The following CSMD1 variants were observed in gnomAD, a reference collection of about 807,000 sequenced individuals.
The protein encoded by CSMD1 is CUB and sushi domain-containing protein 1.
In CSMD1, 213 loss-of-function variants were observed where a neutral mutation model predicts 417.5. The ratio of observed to expected loss-of-function variants is 0.51; its 90% CI spans 0.46 to 0.57. The LOEUF is 0.57. Ranked by LOEUF, CSMD1 falls within the 20% of genes least tolerant of loss-of-function variation. CSMD1 has a pLI of 0.00. For missense variants in CSMD1, 6,923 were observed against 4,529.7 expected (o/e 1.53, Z -15.17); for synonymous variants, 2,862 against 1,736.8 (o/e 1.65, Z -16.11).
At position 4,087,086 on chromosome 8, in the gene CSMD1, A is replaced by T. The variant is rs561910211; in HGVS notation, c.416-54987T>A. ...CAAGAGAGATGCGTCATCCAAGCTT[A>T]GCCTTTCTTCCTGGAGCAACTGGCA... On this transcript the variant is annotated intron_variant, in intron 3 of 69. Coordinates refer to ENST00000635120, the MANE Select transcript of CSMD1 (RefSeq NM_033225.6). Among the ~76,000 whole-genome samples, 5 of 152,334 alleles carry T rather than the reference A, an allele frequency of 3.3e-5. No homozygotes were observed. In the South Asian group the frequency reaches 1.0e-3, roughly 32 times the overall value.
chr8:4,638,303 C>A (rs905220981), intron 1 of CSMD1, among the ~76,000 whole-genome samples: 13 of 152,116 alleles, frequency 8.5e-5, no homozygotes, highest in African/African-American at 3.1e-4. Flanking sequence ...AGCCACATAA[C>A]TGCAATATGT....
At chr8:4,270,319 C>G (rs978192546) in intron 3 of CSMD1, among the ~76,000 whole-genome samples, 3 of 151,972 alleles carry the variant, frequency 2.0e-5, no homozygotes, top group Admixed American at 6.6e-5. Flanking sequence ...TGGTTTTATG[C>G]TTTATTAACA....
At chr8:3,782,143 A>G in intron 5 of CSMD1, among the ~76,000 whole-genome samples, 1 of 152,162 alleles carries the variant, frequency 6.6e-6, no homozygotes, top group African/African-American at 2.4e-5. Context: ...TTTTTTTCTC[A>G]TTTAAAAGAG....
intron 1 of CSMD1, among the ~76,000 whole-genome samples, chr8:4,799,575 T>C (rs1333182985): frequency 9.1e-6 from 1 of 109,468 alleles, no homozygotes; most frequent in Non-Finnish European, 1.7e-5. Flanking sequence ...CTGCAGCCTG[T>C]GTGAGAGAGC....
At chr8:4,725,784 C>G (rs1022298325) in intron 1 of CSMD1, among the ~76,000 whole-genome samples, 2 of 152,082 alleles carry the variant, frequency 1.3e-5, no homozygotes, top group Non-Finnish European at 2.9e-5. Context: ...AGGATTTGCG[C>G]TGCGTTTGAG....
At chr8:3,839,625 C>G (rs1262940618) in intron 5 of CSMD1, among the ~76,000 whole-genome samples, 4 of 138,822 alleles carry the variant, frequency 2.9e-5, no homozygotes, top group African/African-American at 1.1e-4. Flanking sequence ...GCACTCCAGC[C>G]TGGGCAACAA....
At chr8:3,951,597 A>C (rs1038301867) in intron 5 of CSMD1, among the ~76,000 whole-genome samples, 10 of 152,196 alleles carry the variant, frequency 6.6e-5, no homozygotes, top group Non-Finnish European at 2.9e-5. Context: ...ACAACGAGAG[A>C]AATACTACTA....
At chr8:3,584,023 A>G (rs2116987750) in intron 9 of CSMD1, among the ~76,000 whole-genome samples, 1 of 152,200 alleles carries the variant, frequency 6.6e-6, no homozygotes, top group Admixed American at 6.5e-5. Context: ...TCCACTATAA[A>G]AACACCTCCT....
chr8:3,598,062 A>G (rs933232513), intron 8 of CSMD1, among the ~76,000 whole-genome samples: 1 of 152,178 alleles, frequency 6.6e-6, no homozygotes. Context: ...TCTTCTTAAT[A>G]CAGTTTATTT....
chr8:4,473,833 G>C (rs1448221256), intron 2 of CSMD1, among the ~76,000 whole-genome samples: 1 of 152,028 alleles, frequency 6.6e-6, no homozygotes, highest in Non-Finnish European at 1.5e-5. Flanking sequence ...TGTCAAATAG[G>C]AACACGCAAA....
chr8:4,330,131 C>G (rs1799784674), intron 3 of CSMD1, among the ~76,000 whole-genome samples: 1 of 151,790 alleles, frequency 6.6e-6, no homozygotes, highest in African/African-American at 2.4e-5. Flanking sequence ...ACATTTAAGA[C>G]TTCACAATGA....
chr8:3,774,735 G>A (rs1293665427), intron 5 of CSMD1, among the ~76,000 whole-genome samples: 2 of 151,952 alleles, frequency 1.3e-5, no homozygotes, highest in East Asian at 3.9e-4. Context: ...AAATTTTGGT[G>A]AAAGGATTTC....
In CSMD1 at chr8:4,637,395, A is replaced by G. The variant is rs201167722; in HGVS notation, c.249T>C (p.Phe83=). ...SFHTFALEED[F]DILSVYDGQP... is the part of the protein sequence containing the mutation. ...GTCCATCGTAAACTGATAAAATATCAAAATCTTCTTCAAGAGCAAAGGTAT... is the reference window on the plus strand; with the variant it reads ...GTCCATCGTAAACTGATAAAATATCGAAATCTTCTTCAAGAGCAAAGGTAT... Residue 83 remains phenylalanine (F), a synonymous_variant, in exon 2 of 70, where the codon TTT becomes TTC. Coordinates refer to ENST00000635120, the MANE Select transcript of CSMD1 (RefSeq NM_033225.6). The G allele has an allele frequency of 2.1e-4, 336 of 1,614,010 alleles. 2 individuals are homozygous for G. The Middle Eastern group carries it at 4.1e-3, about 20-fold the overall frequency.
At chr8:4,413,831 T>C (rs1392107935) in intron 3 of CSMD1, among the ~76,000 whole-genome samples, 1 of 152,164 alleles carries the variant, frequency 6.6e-6, no homozygotes. Flanking sequence ...GGACCCTACT[T>C]CTACTTGTTA....
intron 3 of CSMD1, among the ~76,000 whole-genome samples, chr8:4,286,609 G>C (rs971445848): frequency 1.3e-5 from 2 of 152,082 alleles, no homozygotes; most frequent in African/African-American, 2.4e-5. Flanking sequence ...ATTAGGTTTG[G>C]GAACACCACT....
At chr8:4,896,688 T>C (rs1421088995) in intron 1 of CSMD1, among the ~76,000 whole-genome samples, 1 of 152,116 alleles carries the variant, frequency 6.6e-6, no homozygotes, top group Non-Finnish European at 1.5e-5. Context: ...ATTGCATACG[T>C]GCTGGAAGAT....
intron 49 of CSMD1, among the ~76,000 whole-genome samples, chr8:3,073,817 T>C (rs11774290): frequency 0.017 from 2,569 of 152,180 alleles, 31 homozygotes; most frequent in East Asian, 0.039. Context: ...TATTCTCTAC[T>C]GAGTAATGAT....
chr8:3,947,174 C>A (rs1021555939), intron 5 of CSMD1, among the ~76,000 whole-genome samples: 12 of 152,168 alleles, frequency 7.9e-5, no homozygotes, highest in Non-Finnish European at 1.8e-4. Flanking sequence ...TCCATGGATG[C>A]CCTTTACTGG....
chr8:3,538,963 C>A (rs1195094828), intron 10 of CSMD1, among the ~76,000 whole-genome samples: 2 of 152,186 alleles, frequency 1.3e-5, no homozygotes, highest in African/African-American at 4.8e-5. Flanking sequence ...ATCAAAGCAT[C>A]TCCCTTCTAG....
Sources: gnomAD v4.1 joint callset for allele counts (sites outside exome capture counted in the v4.1 genomes callset) on GRCh38, gnomAD v4.1.1 for gene constraint, MANE v1.5 for transcripts, NCBI Gene and HGNC (gene_info 2026-07-23, HGNC 2026-07-21) for gene names.